The following ARL10 variants were observed in gnomAD, a reference collection of about 807,000 sequenced individuals.
ARL10 encodes the protein ARF like GTPase 10.
Under a neutral mutation model 26.1 loss-of-function variants are expected in ARL10, and 23 were observed. The observed-to-expected ratio is 0.88, with a 90% CI of 0.63 to 1.25. The LOEUF (loss-of-function observed/expected upper bound fraction) is 1.25, where lower values mean the gene tolerates loss of function less well. Ranked by LOEUF, ARL10 falls within the 50% of genes most tolerant of loss-of-function variation. The pLI is 0.00. For missense variants in ARL10, 300 were observed against 323.6 expected (o/e 0.93, Z 0.56); for synonymous variants, 138 against 149.1 (o/e 0.93, Z 0.54).
chr5:176,366,501 C>T lies in ARL10; in HGVS notation c.305C>T (p.Pro102Leu). 1 of 1,614,072 alleles carries T rather than the reference C, an allele frequency of 6.2e-7. No individual in the cohort carries two copies. The highest frequency in any genetic ancestry group is 8.5e-7 in the Non-Finnish European group (1 of 1,180,022). ...TFLRVLSGKP[P>L]LEGHIPTWGF... ...CTGCGCGTGTTGTCGGGGAAGCCAC[C>T]GCTGGAAGGCCACATCCCCACCTGG... The change falls in exon 2 of 4, where the codon CCG becomes CTG. Residue 102 changes from proline (P) to leucine (L), a missense_variant. Coordinates refer to ENST00000310389, the MANE Select transcript of ARL10 (RefSeq NM_173664.6).
At chr5:176,388,045 G>A (rs2113599320) in intron 1 of ARL10, among the ~76,000 whole-genome samples, 1 of 152,290 alleles carries the variant, frequency 6.6e-6, no homozygotes, top group South Asian at 2.1e-4. Context: ...AATGTGTGCT[G>A]GGGAGGGAGT....
In ARL10 at chr5:176,388,336, T is replaced by C. The variant is rs1340496823; in HGVS notation, c.78T>C (p.Asp26=). The C allele has an allele frequency of 3.1e-6, 5 of 1,613,982 alleles. No homozygotes were observed. The Admixed American group carries it at 8.3e-5, about 27-fold the overall frequency. ...TTAGCGTGGTCCCAGGCATGTCGGA[T>C]GTGGGAGCTACCGGCAAAGAGAGAC... Residue 26 remains aspartate, a synonymous_variant, in exon 2 of 2, where the codon GAT becomes GAC. Coordinates refer to the ARL10 transcript ENST00000503175.
At position 176,380,158 on chromosome 5, in the gene ARL10, TCAAAG is replaced by T. The variant is rs972449059; in HGVS notation, c.*8266_*8270del. 6.6e-6 allele frequency: 1 copy of T among 152,184 alleles called. No individual in the cohort carries two copies. The highest frequency in any genetic ancestry group is 1.5e-5 in the Non-Finnish European group (1 of 68,042). 9.4% of individuals were successfully genotyped at this position (152,184 alleles called of 1,614,324 possible). On this transcript the variant is annotated 3_prime_UTR_variant, in exon 4 of 4. Coordinates refer to ENST00000310389, the MANE Select transcript of ARL10 (RefSeq NM_173664.6). ...TAACTGAGCAAAAGGGTTACTGTAC[TCAAAG>T]CATCGAGGCAAAGAAGAGACAGAGA...
chr5:176,395,622 C>T (rs919551304), intron 1 of ARL10, among the ~76,000 whole-genome samples: 2 of 152,142 alleles, frequency 1.3e-5, no homozygotes, highest in East Asian at 1.9e-4. Flanking sequence ...GACGTCGGCA[C>T]GAGATATAAC....
rs1468840022 is a variant in ARL10 at position 176,379,634 on chromosome 5, GTC to G, written c.*7743_*7744del. The G allele has an allele frequency of 6.6e-6, 1 of 152,138 alleles. No homozygotes were observed. Among genetic ancestry groups the G allele is most frequent in the Non-Finnish European group, 1.5e-5 (1 of 68,026 alleles). 9.4% of individuals were successfully genotyped at this position (152,138 alleles called of 1,614,324 possible). A position where few individuals can be genotyped will look rare whatever the true frequency, so the allele number is the denominator to read the frequency against. ...AAATAGAGCAGTTAATGCCATTTCT[GTC>G]TCTGCAGGTTTCACAAGTAGTGTTT... On this transcript the variant is annotated 3_prime_UTR_variant, in exon 4 of 4. Transcript: ENST00000310389.
downstream of ARL10, chr5:176,388,980 G>A: frequency 6.2e-7 from 1 of 1,613,854 alleles, no homozygotes; most frequent in Non-Finnish European, 8.5e-7. Flanking sequence ...ATAGGTAAGT[G>A]GGTGCGGTAG....
At chr5:176,389,453 A>G (rs770883504), downstream of ARL10, 13 of 1,614,068 alleles carry the variant, frequency 8.1e-6, no homozygotes, top group Non-Finnish European at 1.1e-5. Flanking sequence ...GGTCGCAGCC[A>G]TCTTGCTGGG....
downstream of ARL10, chr5:176,393,064 C>T: frequency 8.6e-7 from 1 of 1,158,310 alleles, no homozygotes; most frequent in South Asian, 1.4e-5. The surrounding 1 kb of genome is among the most constrained non-coding windows in gnomAD (Gnocchi z 4.4). Flanking sequence ...GCCTTGTGCC[C>T]CCCTGACTTC....
chr5:176,389,464 T>G, downstream of ARL10: 1 of 1,614,042 alleles, frequency 6.2e-7, no homozygotes, highest in Admixed American at 1.7e-5. Context: ...TCTTGCTGGG[T>G]CTGGCTGTCA....
At chr5:176,412,342 C>A in the ARL10 span, among the ~76,000 whole-genome samples, 1 of 152,134 alleles carries the variant, frequency 6.6e-6, no homozygotes, top group Non-Finnish European at 1.5e-5. Context: ...GTATCCTGCA[C>A]CCTCTTGTGC....
chr5:176,393,461 A>G (rs1423460594), downstream of ARL10, among the ~76,000 whole-genome samples: 1 of 152,236 alleles, frequency 6.6e-6, no homozygotes, highest in Non-Finnish European at 1.5e-5. The surrounding 1 kb of genome is among the most constrained non-coding windows in gnomAD (Gnocchi z 4.4). Flanking sequence ...GATTCTCCAG[A>G]AAGACTGTGG....
Position 176,375,167 on chromosome 5 carries a change from CCCACCCACCCACCCAT to C in ARL10, c.*3280_*3295del, listed in dbSNP as rs1768655162. 2 of 55,202 alleles carry C rather than the reference CCCACCCACCCACCCAT, an allele frequency of 3.6e-5. No homozygotes were observed. The highest frequency in any genetic ancestry group is 1.4e-4 in the African/African-American group (2 of 13,900). The allele number at this position is 55,202 out of a possible 1,614,324, so 3.4% of individuals were successfully genotyped here. A position where few individuals can be genotyped will look rare whatever the true frequency, so the allele number is the denominator to read the frequency against. The stretch of plus-strand genomic sequence containing the variant: ...ATCCACCCACCCACCCATCCATCCA[CCCACCCACCCACCCAT>C]CCACCCATCCATCCATCCATCCACT... On this transcript the variant is annotated 3_prime_UTR_variant, in exon 4 of 4. Transcript: ENST00000310389.
At chr5:176,369,185 T>G (rs922500045) in intron 3 of ARL10, 15 of 1,530,482 alleles carry the variant, frequency 9.8e-6, no homozygotes, top group Admixed American at 2.0e-5. Flanking sequence ...TCTGGAGAGA[T>G]GAGAAAAATA....
chr5:176,388,525 CT>C, exon 2 of ARL10: 1 of 1,612,446 alleles, frequency 6.2e-7, no homozygotes, highest in East Asian at 2.2e-5. Flanking sequence ...GGGTTTTGCC[CT>C]TGGCCTTGGG....
chr5:176,367,827 T>C (rs1768373047), intron 2 of ARL10: 16 of 499,514 alleles, frequency 3.2e-5, no homozygotes, highest in South Asian at 2.4e-4. Flanking sequence ...TTCCCTTTTT[T>C]CTGTTTTATT....
the ARL10 span, among the ~76,000 whole-genome samples, chr5:176,411,187 T>C: frequency 6.6e-6 from 1 of 152,134 alleles, no homozygotes; most frequent in Non-Finnish European, 1.5e-5. Context: ...AATACATGCA[T>C]GAAAGAAAGA....
chr5:176,392,975 A>G, downstream of ARL10: 2 of 1,613,358 alleles, frequency 1.2e-6, no homozygotes, highest in Non-Finnish European at 8.5e-7. The surrounding 1 kb of genome is among the most constrained non-coding windows in gnomAD (Gnocchi z 5.2). Context: ...GGGCTTTTAT[A>G]GCAGTCTGCT....
chr5:176,387,104 G>C (rs1277247752), intron 1 of ARL10, among the ~76,000 whole-genome samples: 2 of 150,956 alleles, frequency 1.3e-5, no homozygotes, highest in Non-Finnish European at 2.9e-5. Context: ...TTCTTTTTGA[G>C]ACAGAGTCTC....
Position 176,375,115 on chromosome 5 carries a change from TCCGTCCAC to T in ARL10, c.*3239_*3246del, listed in dbSNP as rs1408048126. 1.7e-3 allele frequency: 247 copies of T among 146,022 alleles called. 1 individual carries two copies. The highest frequency in any genetic ancestry group is 5.2e-3 in the African/African-American group (202 of 39,010). 9.0% of individuals were successfully genotyped at this position (146,022 alleles called of 1,614,324 possible). A position where few individuals can be genotyped will look rare whatever the true frequency, so the allele number is the denominator to read the frequency against. On this transcript the variant is annotated 3_prime_UTR_variant, in exon 4 of 4. Coordinates refer to ENST00000310389, the MANE Select transcript of ARL10 (RefSeq NM_173664.6). ...ATCCATCCATCCATCCATCCCTCCA[TCCGTCCAC>T]CCGTCCACCCGTCCACCCATCCACC...
Sources: allele counts gnomAD v4.1 joint callset (sites outside exome capture counted in the v4.1 genomes callset), GRCh38; gene constraint gnomAD v4.1.1; non-coding constraint Gnocchi (gnomAD v3.1); transcripts MANE v1.5; gene names NCBI Gene and HGNC (gene_info 2026-07-23, HGNC 2026-07-21).